The following TUSC3 variants were observed in gnomAD, a reference collection of about 807,000 sequenced individuals.
TUSC3 encodes the protein tumor suppressor candidate 3.
Under a neutral mutation model 44.8 loss-of-function variants are expected in TUSC3, and 45 were observed. The observed-to-expected ratio is 1.00, with a 90% CI of 0.79 to 1.29. The LOEUF is 1.29. Ranked by LOEUF, TUSC3 falls within the 50% of genes most tolerant of loss-of-function variation. TUSC3 has a pLI of 0.00. For missense variants in TUSC3, 519 were observed against 437.9 expected (o/e 1.19, Z -1.65); for synonymous variants, 212 against 152.9 (o/e 1.39, Z -2.85).
At chr8:15,527,154 C>G (rs776936839) in intron 2 of TUSC3, among the ~76,000 whole-genome samples, 15 of 152,088 alleles carry the variant, frequency 9.9e-5, no homozygotes, top group Non-Finnish European at 1.5e-4. Flanking sequence ...AACAATAGTT[C>G]TTGTTGATTT....
intron 2 of TUSC3, among the ~76,000 whole-genome samples, chr8:15,637,091 A>T (rs1261346584): frequency 1.3e-5 from 2 of 152,218 alleles, no homozygotes; most frequent in East Asian, 1.9e-4. Flanking sequence ...GAACTCTTCA[A>T]TATGTATATA....
At chr8:15,665,831 C>G (rs1018565179) in intron 5 of TUSC3, among the ~76,000 whole-genome samples, 1 of 151,076 alleles carries the variant, frequency 6.6e-6, no homozygotes, top group Non-Finnish European at 1.5e-5. Flanking sequence ...CTCATGCTTT[C>G]TAAGGGGGAA....
intron 1 of TUSC3, among the ~76,000 whole-genome samples, chr8:15,552,716 A>G (rs139310180): frequency 6.6e-6 from 1 of 151,714 alleles, no homozygotes. Context: ...TTCTTAAGCC[A>G]TGTTAAAGAA....
intron 1 of TUSC3, among the ~76,000 whole-genome samples, chr8:15,460,910 A>G (rs181091453): frequency 7.9e-5 from 12 of 152,274 alleles, no homozygotes; most frequent in African/African-American, 2.4e-4. Flanking sequence ...TACCAGCATC[A>G]CCCTGTTTTG....
chr8:15,796,477 A>G, the TUSC3 span, among the ~76,000 whole-genome samples: 1 of 152,220 alleles, frequency 6.6e-6, no homozygotes, highest in Non-Finnish European at 1.5e-5. Flanking sequence ...TGGCCAGATC[A>G]GTGAGAATGG....
intron 1 of TUSC3, among the ~76,000 whole-genome samples, chr8:15,597,592 A>G (rs1351129950): frequency 6.6e-6 from 1 of 152,110 alleles, no homozygotes. Flanking sequence ...AATACTAACA[A>G]CATCTAAAAT....
chr8:15,748,304 TA>T, intron 8 of TUSC3, 70 bp from the exon 9 acceptor site: 1 of 1,192,706 alleles, frequency 8.4e-7, no homozygotes. Flanking sequence ...TGAATGCATT[TA>T]AAAATATAAA....
chr8:15,521,540 C>T (rs980565621), intron 2 of TUSC3, among the ~76,000 whole-genome samples: 16 of 152,118 alleles, frequency 1.1e-4, no homozygotes, highest in African/African-American at 3.9e-4. Flanking sequence ...CTTTGGGCTT[C>T]CCCATACCAC....
At chr8:15,809,502 G>A in the TUSC3 span, among the ~76,000 whole-genome samples, 1 of 152,208 alleles carries the variant, frequency 6.6e-6, no homozygotes, top group African/African-American at 2.4e-5. Context: ...CCCCCCTGTA[G>A]ATGCCTGAAA....
At chr8:15,806,388 T>C in the TUSC3 span, 5 of 739,040 alleles carry the variant, frequency 6.8e-6, no homozygotes, top group African/African-American at 1.7e-5. Context: ...TGCCTCCTTC[T>C]TCGCTGCTTC....
the TUSC3 span, among the ~76,000 whole-genome samples, chr8:15,829,119 A>G: frequency 6.6e-6 from 1 of 151,952 alleles, no homozygotes; most frequent in Non-Finnish European, 1.5e-5. Flanking sequence ...TTATTATTCT[A>G]TGTCGTTCTA....
At chr8:15,456,543 G>A (rs1355021607) in intron 1 of TUSC3, among the ~76,000 whole-genome samples, 1 of 152,080 alleles carries the variant, frequency 6.6e-6, no homozygotes, top group African/African-American at 2.4e-5. Context: ...TTAATAAAGA[G>A]TGATATTAGG....
chr8:15,743,389 G>C (rs915075515), intron 7 of TUSC3, 149 bp from the exon 8 acceptor site: 2 of 796,572 alleles, frequency 2.5e-6, no homozygotes, highest in Non-Finnish European at 4.2e-6. Context: ...ACAAAGAATG[G>C]TAATTTTATG....
intron 6 of TUSC3, among the ~76,000 whole-genome samples, chr8:15,726,344 T>A (rs1810495617): frequency 6.6e-6 from 1 of 152,174 alleles, no homozygotes; most frequent in Non-Finnish European, 1.5e-5. Flanking sequence ...CATAGTATCA[T>A]TCATATATAT....
chr8:15,738,209 T>G (rs1181554757), intron 7 of TUSC3, among the ~76,000 whole-genome samples: 1 of 152,198 alleles, frequency 6.6e-6, no homozygotes, highest in Admixed American at 6.5e-5. Flanking sequence ...ACAAAACATT[T>G]TATCTTGAGG....
chr8:15,835,435 A>T, the TUSC3 span, among the ~76,000 whole-genome samples: 1 of 151,782 alleles, frequency 6.6e-6, no homozygotes, highest in East Asian at 1.9e-4. Flanking sequence ...TTTCTATTTC[A>T]TTGATTCCTG....
At chr8:15,628,549 G>A (rs1285503622) in intron 2 of TUSC3, among the ~76,000 whole-genome samples, 1 of 152,082 alleles carries the variant, frequency 6.6e-6, no homozygotes, top group Non-Finnish European at 1.5e-5. Flanking sequence ...CAGTGTCGGG[G>A]TAGGATAGTT....
At position 15,464,247 on chromosome 8, in the gene TUSC3, T is replaced by G. The variant is rs946381956; in HGVS notation, n.92-19139T>G. Among the ~76,000 whole-genome samples, 3 of 152,308 alleles carry G rather than the reference T, an allele frequency of 2.0e-5. No individual in the cohort carries two copies. The South Asian group carries it at 6.2e-4, about 32-fold the overall frequency. On this transcript the variant is annotated intron_variant and non_coding_transcript_variant, in intron 1 of 5. Coordinates refer to the TUSC3 transcript ENST00000503191. Reference sequence around the variant, plus strand: ...ATGACTGCCAGCTGGATGGTTCTGCTTACTGGTTGGTAGTCTTATTAAATT... The same window carrying G: ...ATGACTGCCAGCTGGATGGTTCTGCGTACTGGTTGGTAGTCTTATTAAATT...
intron 5 of TUSC3, among the ~76,000 whole-genome samples, chr8:15,666,777 C>A (rs1460762705): frequency 1.3e-5 from 2 of 151,116 alleles, no homozygotes; most frequent in Non-Finnish European, 3.0e-5. Flanking sequence ...CCAGACAGTT[C>A]TGCTCATCAG....
Sources: allele counts gnomAD v4.1 joint callset (sites outside exome capture counted in the v4.1 genomes callset), GRCh38; gene constraint gnomAD v4.1.1; transcripts MANE v1.5; gene names NCBI Gene and HGNC (gene_info 2026-07-23, HGNC 2026-07-21).